The following DIXDC1 variants were observed in gnomAD, a reference collection of about 807,000 sequenced individuals.
DIXDC1 encodes DIX domain containing 1.
Under a neutral mutation model 103.1 loss-of-function variants are expected in DIXDC1, and 64 were observed. The observed-to-expected ratio is 0.62, with a 90% confidence interval of 0.51 to 0.76. The LOEUF (loss-of-function observed/expected upper bound fraction) is 0.76. Ranked by LOEUF, DIXDC1 falls within the 30% of genes least tolerant of loss-of-function variation. The probability of loss-of-function intolerance (pLI) is 0.00; values close to 1 mark genes in which losing one functional copy is unlikely to be tolerated. For missense variants in DIXDC1, 759 were observed against 834.2 expected, an observed-to-expected ratio of 0.91 and a Z score of 1.11; for synonymous variants, 266 against 298.5, an observed-to-expected ratio of 0.89 and a Z score of 1.12.
At position 111,958,969 on chromosome 11, in the gene DIXDC1, C is replaced by T. The variant is rs587621291; in HGVS notation, c.61-5580C>T. Reference sequence around the variant, plus strand: ...AGCTACCCACTCCAGGGTCTTCACTCTGCTGAGAGCTGAACACTCATCGGG... The same window carrying T: ...AGCTACCCACTCCAGGGTCTTCACTTTGCTGAGAGCTGAACACTCATCGGG... On this transcript the variant is annotated intron_variant, in intron 1 of 19. Coordinates refer to ENST00000440460, the MANE Select transcript of DIXDC1 (RefSeq NM_001037954.4). The surrounding 1 kb of genome is among the most constrained non-coding windows in gnomAD (Gnocchi z 4.2). 5.4e-4 allele frequency among the ~76,000 whole-genome samples: 82 copies of T among 152,334 alleles called. No homozygotes were observed. Among genetic ancestry groups the T allele is most frequent in the African/African-American group, 1.9e-3 (81 of 41,584 alleles).
intron 17 of DIXDC1, among the ~76,000 whole-genome samples, chr11:111,996,817 T>C (rs1860914527): frequency 6.6e-6 from 1 of 152,178 alleles, no homozygotes; most frequent in Non-Finnish European, 1.5e-5. Flanking sequence ...GCCATTGCAC[T>C]CCAGCGTGGG....
In DIXDC1 at chr11:111,993,305, T is replaced by C. The variant is rs782195597; in HGVS notation, c.1273-191T>C. 1.9e-4 allele frequency among the ~76,000 whole-genome samples: 29 copies of C among 152,188 alleles called. 1 individual carries two copies. Among genetic ancestry groups the C allele is most frequent in the Non-Finnish European group, 3.5e-4 (24 of 68,030 alleles). ...CCTCCTACAAATGCCAGTTCCCTTC[T>C]TCATTACTCTTGAAGAATCCTTTGC... On this transcript the variant is annotated intron_variant, in intron 12 of 19. Coordinates refer to ENST00000440460, the MANE Select transcript of DIXDC1 (RefSeq NM_001037954.4).
chr11:111,936,604 T>C (rs1555168112), upstream of DIXDC1, among the ~76,000 whole-genome samples: 2 of 152,240 alleles, frequency 1.3e-5, no homozygotes, highest in Non-Finnish European at 2.9e-5. Context: ...CACTGTTCTA[T>C]TGAATGTGTT....
chr11:111,937,644 C>A, intron 1 of DIXDC1, 85 bp downstream of exon 1: 1 of 1,403,958 alleles, frequency 7.1e-7, no homozygotes, highest in South Asian at 1.3e-5. Context: ...CCTCCTCCTC[C>A]ATCCTTTGGG....
chr11:111,930,162 GT>G (rs1175635627), intron 2 of DIXDC1, among the ~76,000 whole-genome samples: 2 of 152,030 alleles, frequency 1.3e-5, no homozygotes, highest in Non-Finnish European at 2.9e-5. Flanking sequence ...GAATGTATGC[GT>G]TTTTAAAAGA....
rs191033587 is a variant in DIXDC1 at position 112,000,182 on chromosome 11, A to T, written c.1756+4036A>T. Among the ~76,000 whole-genome samples, 297 of 152,094 alleles carry T rather than the reference A, an allele frequency of 2.0e-3. 4 individuals are homozygous for T. The highest frequency in any genetic ancestry group is 6.5e-3 in the African/African-American group (272 of 41,566). ...AATAAATAAATAGATAAAAGATAAA[A>T]TTGGACTTCATCAAAATTAAAAACT... On this transcript the variant is annotated intron_variant, in intron 17 of 19. Coordinates refer to ENST00000440460, the MANE Select transcript of DIXDC1 (RefSeq NM_001037954.4).
At chr11:112,018,511 C>T (rs782609557) in intron 19 of DIXDC1, among the ~76,000 whole-genome samples, 4 of 151,830 alleles carry the variant, frequency 2.6e-5, no homozygotes, top group Admixed American at 6.6e-5. Context: ...TTTTAGTAAC[C>T]CTGTTTTATT....
At chr11:112,013,510 T>A (rs1861495400) in intron 17 of DIXDC1, among the ~76,000 whole-genome samples, 2 of 152,108 alleles carry the variant, frequency 1.3e-5, no homozygotes, top group African/African-American at 2.4e-5. Flanking sequence ...CTATAAACAT[T>A]TAAAATGAAT....
At chr11:111,937,142 T>G (rs868976005), upstream of DIXDC1, 2,922 of 534,380 alleles carry the variant, frequency 5.5e-3, 47 homozygotes, top group African/African-American at 0.03. Flanking sequence ...GGGGGGGGGG[T>G]GTGCGCGTGC....
intron 1 of DIXDC1, among the ~76,000 whole-genome samples, chr11:111,942,643 T>C (rs946837256): frequency 2.0e-5 from 3 of 152,212 alleles, no homozygotes. Context: ...CATGTACTTG[T>C]GAAGGAGCAG....
chr11:111,986,877 A>G lies in DIXDC1; in HGVS notation c.1015A>G (p.Ile339Val), dbSNP rs1860509146. 6.4e-7 allele frequency: 1 copy of G among 1,570,788 alleles called. No homozygotes were observed. The highest frequency in any genetic ancestry group is 1.9e-5 in the Admixed American group (1 of 53,340). The change falls in exon 9 of 20, where the codon ATC (isoleucine) becomes GTC (valine). Residue 339 changes from isoleucine (I) to valine (V), a missense_variant. Physicochemically the swap from Ile to Val is conservative, Grantham distance 29. Transcript: ENST00000440460. The part of the protein sequence containing the change: ...GVNPEEQLII[I>V]QSRLDQSMEE... The stretch of plus-strand genomic sequence containing the variant: ...CTGTTTGTCTTATATTCAGATTATA[A>G]TCCAAAGTCGTCTGGATCAGAGTAT...
Position 111,986,904 on chromosome 11 carries a change from G to T in DIXDC1, c.1042G>T (p.Glu348Ter). The stretch of plus-strand genomic sequence containing the variant: ...CCAAAGTCGTCTGGATCAGAGTATG[G>T]AGGAGAATCAGGACTTAAAGGTATG... ...IIQSRLDQSM[E>*]ENQDLKKELL... Residue 348 changes from glutamate (E) to a stop codon, truncating the protein, a stop_gained, in exon 9 of 20, where the codon GAG (glutamate) becomes TAG (stop). Coordinates refer to ENST00000440460, the MANE Select transcript of DIXDC1 (RefSeq NM_001037954.4). LOFTEE classifies it high-confidence loss of function. 6.3e-7 allele frequency: 1 copy of T among 1,577,448 alleles called. No individual in the cohort carries two copies. Among genetic ancestry groups the T allele is most frequent in the East Asian group, 2.3e-5 (1 of 43,492 alleles).
intron 17 of DIXDC1, among the ~76,000 whole-genome samples, chr11:112,008,080 A>G (rs1236551665): frequency 6.6e-6 from 1 of 151,762 alleles, no homozygotes; most frequent in African/African-American, 2.4e-5. Flanking sequence ...GCAGAGACAC[A>G]CATAGGCTCA....
At chr11:111,981,429 T>C (rs587763967) in intron 6 of DIXDC1, among the ~76,000 whole-genome samples, 1 of 152,058 alleles carries the variant, frequency 6.6e-6, no homozygotes, top group Non-Finnish European at 1.5e-5. Context: ...CCCACAAGAG[T>C]TGTAATGAAA....
chr11:111,996,820 A>T (rs1555175450), intron 17 of DIXDC1, among the ~76,000 whole-genome samples: 1 of 152,248 alleles, frequency 6.6e-6, no homozygotes, highest in East Asian at 1.9e-4. Flanking sequence ...ATTGCACTCC[A>T]GCGTGGGTGA....
chr11:111,996,164 C>T lies in DIXDC1; in HGVS notation c.1756+18C>T. 5 of 1,610,160 alleles carry T rather than the reference C, an allele frequency of 3.1e-6. No individual in the cohort carries two copies. Among genetic ancestry groups the T allele is most frequent in the Non-Finnish European group, 4.2e-6 (5 of 1,177,578 alleles). Reference sequence around the variant, plus strand: ...TAACTCAAGTAAGTACCCATTTTTGCTCAGTAGGGACTCCTAGCATATTAG... The same window carrying T: ...TAACTCAAGTAAGTACCCATTTTTGTTCAGTAGGGACTCCTAGCATATTAG... On this transcript the variant is annotated intron_variant, in intron 17 of 19. Transcript: ENST00000440460.
In DIXDC1 at chr11:111,996,066, G is replaced by A; in HGVS notation, c.1690-14G>A. On this transcript the variant is annotated splice_polypyrimidine_tract_variant and intron_variant, in intron 16 of 19. Coordinates refer to ENST00000440460, the MANE Select transcript of DIXDC1 (RefSeq NM_001037954.4). Reference sequence around the variant, plus strand: ...ATTGATCATAACTCTTGTGATTTTTGTGTGGCTCCCCAGGTTCGGGTCAAG... The same window carrying A: ...ATTGATCATAACTCTTGTGATTTTTATGTGGCTCCCCAGGTTCGGGTCAAG... The A allele has an allele frequency of 6.2e-7, 1 of 1,612,836 alleles. No individual in the cohort carries two copies. The highest frequency in any genetic ancestry group is 8.5e-7 in the Non-Finnish European group (1 of 1,179,454).
intron 17 of DIXDC1, among the ~76,000 whole-genome samples, chr11:112,000,748 T>A (rs1861040907): frequency 6.7e-6 from 1 of 150,178 alleles, no homozygotes; most frequent in African/African-American, 2.4e-5. Flanking sequence ...AAATCATTAG[T>A]CATTAGGGGA....
upstream of DIXDC1, among the ~76,000 whole-genome samples, chr11:111,936,807 C>T (rs771584163): frequency 6.6e-6 from 1 of 152,092 alleles, no homozygotes; most frequent in East Asian, 1.9e-4. Context: ...CCCTTTCCCA[C>T]CCACCTTCTG....
Sources: gnomAD v4.1 joint callset for allele counts (sites outside exome capture counted in the v4.1 genomes callset) on GRCh38, gnomAD v4.1.1 for gene constraint, Gnocchi (gnomAD v3.1) non-coding constraint, MANE v1.5 for transcripts, NCBI Gene and HGNC (gene_info 2026-07-23, HGNC 2026-07-21) for gene names.